Variants in PCSK5 observed in about 807,000 individuals in gnomAD.
PCSK5 encodes proprotein convertase subtilisin/kexin type 5, also known as prohormone convertase 5.
A neutral mutation model predicts 233.2 loss-of-function variants in PCSK5; 129 were observed. That is an observed-to-expected ratio of 0.55 (90% confidence interval 0.48 to 0.64). The LOEUF (loss-of-function observed/expected upper bound fraction) is 0.64, where lower values mean the gene tolerates loss of function less well. PCSK5 is among the 30% of genes least tolerant of loss of function. PCSK5 has a pLI of 0.00. For synonymous variants in PCSK5, 825 were observed against 879.2 expected (o/e 0.94, Z 1.09); for missense variants, 2,076 against 2,430.1 (o/e 0.85, Z 3.06).
intron 24 of PCSK5, among the ~76,000 whole-genome samples, chr9:76,242,315 C>G (rs1266035266): frequency 6.6e-6 from 1 of 152,036 alleles, no homozygotes; most frequent in East Asian, 1.9e-4. Context: ...GCTATCACCA[C>G]CACTCTTTGC....
intron 3 of PCSK5, among the ~76,000 whole-genome samples, chr9:76,009,190 A>G (rs1168884362): frequency 6.6e-6 from 1 of 152,220 alleles, no homozygotes; most frequent in African/African-American, 2.4e-5. Context: ...TAATTTTATA[A>G]CAAACGTAGT....
At chr9:76,261,654 C>T (rs1827178581) in intron 24 of PCSK5, among the ~76,000 whole-genome samples, 1 of 152,170 alleles carries the variant, frequency 6.6e-6, no homozygotes, top group Non-Finnish European at 1.5e-5. Context: ...AATGTTCTTC[C>T]ATTTGTTTGT....
At chr9:76,085,167 C>T (rs1253147780) in intron 7 of PCSK5, among the ~76,000 whole-genome samples, 1 of 152,210 alleles carries the variant, frequency 6.6e-6, no homozygotes, top group African/African-American at 2.4e-5. Context: ...CACTCAGCTC[C>T]TAGTCAACCG....
chr9:76,115,992 G>T (rs568528066), intron 9 of PCSK5, among the ~76,000 whole-genome samples: 213 of 152,122 alleles, frequency 1.4e-3, no homozygotes, highest in African/African-American at 4.4e-3. Context: ...GAGCCTAATT[G>T]TTCCTAGTGA....
chr9:75,890,875 C>G lies in PCSK5; in HGVS notation c.-307C>G. The G allele has an allele frequency of 3.3e-6, 1 of 299,138 alleles. No homozygotes were observed. Among genetic ancestry groups the G allele is most frequent in the Non-Finnish European group, 6.2e-6 (1 of 162,054 alleles). 18.5% of individuals were successfully genotyped at this position (299,138 alleles called of 1,614,324 possible). ...GGGAGCCAAGCCGGGCGAAACCCAA[C>G]TGCGGAGGACGCCCGCCCCACTCAG... is the stretch of plus-strand genomic sequence containing the variant. On this transcript the variant is annotated 5_prime_UTR_variant, in exon 1 of 38. Transcript: ENST00000674117.
At chr9:76,246,454 T>C (rs1209473339) in intron 24 of PCSK5, among the ~76,000 whole-genome samples, 1 of 148,186 alleles carries the variant, frequency 6.7e-6, no homozygotes, top group Non-Finnish European at 1.5e-5. Flanking sequence ...AGGAAAGCAA[T>C]CACCACTGTT....
At chr9:76,023,640 G>A (rs1828293729) in intron 3 of PCSK5, 98 bp from the exon 4 acceptor site, 1 of 1,141,878 alleles carries the variant, frequency 8.8e-7, no homozygotes, top group Non-Finnish European at 1.2e-6. Context: ...TCCAGCCTGG[G>A]CAGCAGAGAA....
chr9:75,891,563 A>C (rs868185954), intron 1 of PCSK5, among the ~76,000 whole-genome samples, 190 bp downstream of exon 1: 3 of 121,372 alleles, frequency 2.5e-5, no homozygotes, highest in Admixed American at 8.2e-5. Context: ...ACACACACAC[A>C]CCCCAGAGTT....
chr9:76,126,885 C>T (rs1822522346), intron 9 of PCSK5, among the ~76,000 whole-genome samples: 1 of 152,088 alleles, frequency 6.6e-6, no homozygotes, highest in South Asian at 2.1e-4. Context: ...GGTTTCATGA[C>T]TATGCAATAT....
intron 1 of PCSK5, among the ~76,000 whole-genome samples, chr9:75,896,832 A>C (rs1020302964): frequency 6.6e-6 from 1 of 152,212 alleles, no homozygotes; most frequent in Non-Finnish European, 1.5e-5. Flanking sequence ...AAGTTTGCAC[A>C]TAGTTTAGAG....
At chr9:76,024,964 T>C (rs1397463031) in intron 4 of PCSK5, among the ~76,000 whole-genome samples, 1 of 152,216 alleles carries the variant, frequency 6.6e-6, no homozygotes, top group Non-Finnish European at 1.5e-5. Flanking sequence ...GTTGGTCCTC[T>C]GTTTCGGGCC....
chr9:76,330,976 G>A (rs918078733), intron 33 of PCSK5, among the ~76,000 whole-genome samples: 20 of 152,110 alleles, frequency 1.3e-4, no homozygotes, highest in African/African-American at 4.8e-4. Context: ...AGAGAAGACA[G>A]CTTGCCTCCA....
chr9:76,279,161 T>C (rs1337958513), intron 24 of PCSK5, among the ~76,000 whole-genome samples: 2 of 146,458 alleles, frequency 1.4e-5, no homozygotes, highest in African/African-American at 5.1e-5. Flanking sequence ...GAATATGCGG[T>C]GTTTGGTTTT....
chr9:76,304,606 C>A (rs1345952158), intron 28 of PCSK5, among the ~76,000 whole-genome samples: 1 of 137,408 alleles, frequency 7.3e-6, no homozygotes, highest in Non-Finnish European at 1.6e-5. Context: ...GAATTATTTT[C>A]TCTCATTTTA....
intron 20 of PCSK5, among the ~76,000 whole-genome samples, chr9:76,202,429 C>CA (rs1824949569): frequency 6.6e-6 from 1 of 152,246 alleles, no homozygotes; most frequent in African/African-American, 2.4e-5. Context: ...CAAAGCTCAG[C>CA]ATGAGACTCC....
intron 2 of PCSK5, among the ~76,000 whole-genome samples, chr9:75,963,208 G>A (rs938867104): frequency 2.0e-5 from 3 of 152,012 alleles, no homozygotes; most frequent in Admixed American, 6.5e-5. Flanking sequence ...TATCCAACAA[G>A]AGAGAGAGAT....
intron 17 of PCSK5, 90 bp from the exon 18 acceptor site, chr9:76,188,488 C>T (rs1304911271): frequency 1.3e-6 from 1 of 791,710 alleles, no homozygotes; most frequent in Admixed American, 2.1e-5. Context: ...CTGAGGGAAA[C>T]TGTATCTGTT....
chr9:76,192,434 A>G (rs1242057936), intron 20 of PCSK5, among the ~76,000 whole-genome samples: 2 of 152,140 alleles, frequency 1.3e-5, no homozygotes, highest in Non-Finnish European at 2.9e-5. Flanking sequence ...TAAGACATAT[A>G]TTTTTTACAT....
chr9:76,358,808 C>T lies in PCSK5; in HGVS notation c.5550C>T (p.Ile1850=), dbSNP rs1232829142. The T allele has an allele frequency of 5.6e-6, 9 of 1,612,786 alleles. No homozygotes were observed. The East Asian group carries it at 6.7e-5, about 12-fold the overall frequency. Residue 1850 remains isoleucine (I), a synonymous_variant, in exon 38 of 38, where the codon ATC becomes ATT. Coordinates refer to ENST00000674117, the MANE Select transcript of PCSK5 (RefSeq NM_001372043.1). ...ATGATGAGGATGATGATGATGACAT[C>T]GTCTACATGGGCCAGGATGGCACAG... ...RDYDEDDDDD[I]VYMGQDGTVY... is the part of the protein sequence containing the mutation.
Sources: allele counts gnomAD v4.1 joint callset (sites outside exome capture counted in the v4.1 genomes callset), GRCh38; gene constraint gnomAD v4.1.1; transcripts MANE v1.5; gene names NCBI Gene and HGNC (gene_info 2026-07-23, HGNC 2026-07-21).